Variants in MEI4 observed in about 807,000 individuals in gnomAD.
The protein encoded by MEI4 is meiosis-specific protein MEI4.
In MEI4, 27 loss-of-function variants were observed where a neutral mutation model predicts 31.4. That is an observed-to-expected ratio of 0.86 (90% CI 0.63 to 1.19). MEI4 has a LOEUF of 1.19. Among genes scored for constraint, MEI4 ranks in the 50% most tolerant of loss-of-function variants. The probability of loss-of-function intolerance (pLI) is 0.00; values close to 1 mark genes in which losing one functional copy is unlikely to be tolerated. For missense variants in MEI4, 329 were observed against 398.9 expected, an observed-to-expected ratio of 0.82 and a Z score of 1.49; for synonymous variants, 122 against 145.4, an observed-to-expected ratio of 0.84 and a Z score of 1.16.
At chr6:77,685,722 AT>A (rs1769042987) in intron 1 of MEI4, among the ~76,000 whole-genome samples, 1 of 152,060 alleles carries the variant, frequency 6.6e-6, no homozygotes, top group South Asian at 2.1e-4. Flanking sequence ...ATTTTTGTAT[AT>A]GGTATGGGAT....
At chr6:77,776,556 A>G (rs1768447884) in intron 3 of MEI4, among the ~76,000 whole-genome samples, 1 of 151,804 alleles carries the variant, frequency 6.6e-6, no homozygotes, top group Non-Finnish European at 1.5e-5. Context: ...TTCTCTGGCT[A>G]CTCTCTTGTG....
intron 1 of MEI4, among the ~76,000 whole-genome samples, chr6:77,655,341 T>G (rs1216203370): frequency 5.3e-5 from 8 of 152,352 alleles, no homozygotes; most frequent in Admixed American, 3.9e-4. Context: ...GCCTTTGCTA[T>G]TGTAAACAGT....
intron 1 of MEI4, among the ~76,000 whole-genome samples, chr6:77,680,188 A>C (rs1367146236): frequency 6.7e-6 from 1 of 149,096 alleles, no homozygotes; most frequent in Admixed American, 6.8e-5. Flanking sequence ...CTGAGGCAGC[A>C]GAATGGCGTG....
At chr6:77,756,341 A>G (rs574163210) in intron 2 of MEI4, among the ~76,000 whole-genome samples, 12 of 152,250 alleles carry the variant, frequency 7.9e-5, no homozygotes, top group Admixed American at 2.6e-4. Context: ...GACACATACT[A>G]TAGTCACAGC....
At chr6:77,909,960 CAT>C (rs1298768550) in intron 4 of MEI4, among the ~76,000 whole-genome samples, 2 of 152,142 alleles carry the variant, frequency 1.3e-5, no homozygotes, top group African/African-American at 2.4e-5. Flanking sequence ...ACAAAAACCA[CAT>C]GATTATCTCA....
intron 2 of MEI4, among the ~76,000 whole-genome samples, chr6:77,738,303 A>G (rs1767308677): frequency 6.6e-6 from 1 of 152,228 alleles, no homozygotes; most frequent in Non-Finnish European, 1.5e-5. Flanking sequence ...GAATCTTCTC[A>G]TTAGTTTATA....
intron 1 of MEI4, among the ~76,000 whole-genome samples, chr6:77,666,857 C>CTGTGTGTG (rs754710415): frequency 2.6e-4 from 39 of 148,226 alleles, no homozygotes; most frequent in Non-Finnish European, 3.3e-4. Flanking sequence ...CTACATGCCT[C>CTGTGTGTG]TGTGTGTGTG....
At chr6:77,781,253 T>C (rs1197637228) in intron 3 of MEI4, among the ~76,000 whole-genome samples, 2 of 152,150 alleles carry the variant, frequency 1.3e-5, no homozygotes, top group African/African-American at 4.8e-5. Flanking sequence ...CTATATTTAC[T>C]GATACTGTAT....
At chr6:77,849,031 A>G (rs1427127229) in intron 4 of MEI4, among the ~76,000 whole-genome samples, 1 of 152,116 alleles carries the variant, frequency 6.6e-6, no homozygotes, top group Non-Finnish European at 1.5e-5. Context: ...GAACACACAT[A>G]TAATATAATT....
At chr6:77,732,674 A>G in intron 2 of MEI4, among the ~76,000 whole-genome samples, 1 of 151,964 alleles carries the variant, frequency 6.6e-6, no homozygotes, top group East Asian at 1.9e-4. Context: ...GTTGAATAGG[A>G]GTGGTGAGAG....
At chr6:77,920,357 A>C (rs1184632534) in intron 4 of MEI4, among the ~76,000 whole-genome samples, 1 of 152,058 alleles carries the variant, frequency 6.6e-6, no homozygotes, top group Non-Finnish European at 1.5e-5. Flanking sequence ...ACGCAAATCA[A>C]TAAATGTAAT....
chr6:77,800,506 A>G (rs1769220782), intron 3 of MEI4, among the ~76,000 whole-genome samples: 1 of 151,876 alleles, frequency 6.6e-6, no homozygotes, highest in Admixed American at 6.6e-5. Flanking sequence ...CCTGATTGCC[A>G]TGGCAGAACT....
chr6:77,841,333 A>ATTTTTTTTTTTTTTTT (rs1239589008), intron 4 of MEI4, among the ~76,000 whole-genome samples: 3 of 27,748 alleles, frequency 1.1e-4, no homozygotes, highest in Non-Finnish European at 1.0e-4. Flanking sequence ...ATATATATAT[A>ATTTTTTTTTTTTTTTT]TTTTTTTTTT....
intron 4 of MEI4, among the ~76,000 whole-genome samples, chr6:77,834,008 A>G (rs1042354970): frequency 6.6e-6 from 1 of 152,182 alleles, no homozygotes; most frequent in Non-Finnish European, 1.5e-5. Flanking sequence ...TATATGTGCC[A>G]CATTTTCTTT....
At chr6:77,733,490 T>G (rs1561963507) in intron 2 of MEI4, among the ~76,000 whole-genome samples, 1 of 152,018 alleles carries the variant, frequency 6.6e-6, no homozygotes. Context: ...TTATCATTTT[T>G]TATTGTGTCT....
intron 3 of MEI4, among the ~76,000 whole-genome samples, chr6:77,800,627 T>C (rs1582159747): frequency 6.6e-6 from 1 of 152,208 alleles, no homozygotes; most frequent in African/African-American, 2.4e-5. Context: ...TGGCTGTGGG[T>C]TTCTCATAGA....
At chr6:77,733,124 A>G (rs10806113) in intron 2 of MEI4, among the ~76,000 whole-genome samples, 151,860 of 151,862 alleles carry the variant, frequency 1, 75,929 homozygotes, top group Non-Finnish European at 1. Flanking sequence ...TTTGGTATCA[A>G]GATGATGCTG....
intron 1 of MEI4, among the ~76,000 whole-genome samples, chr6:77,664,208 G>A (rs1267107780): frequency 8.5e-5 from 13 of 152,108 alleles, no homozygotes; most frequent in Non-Finnish European, 1.5e-4. Context: ...TTTGAGGGCC[G>A]GAATTTAATT....
At chr6:77,815,899 A>AC (rs142819143) in intron 3 of MEI4, among the ~76,000 whole-genome samples, 20,811 of 151,788 alleles carry the variant, frequency 0.14, 1,519 homozygotes, top group Middle Eastern at 0.2. Context: ...GAAAAAAAAA[A>AC]ACCAAAACAA....
Sources: allele counts gnomAD v4.1 joint callset (sites outside exome capture counted in the v4.1 genomes callset), GRCh38; gene constraint gnomAD v4.1.1; transcripts MANE v1.5; gene names NCBI Gene and HGNC (gene_info 2026-07-23, HGNC 2026-07-21).